Variants in MTMR8 observed in about 807,000 individuals in gnomAD.
The protein encoded by MTMR8 is phosphatidylinositol-3,5-bisphosphate 3-phosphatase MTMR8.
A neutral mutation model predicts 39.3 loss-of-function variants in MTMR8; 65 were observed. The ratio of observed to expected loss-of-function variants is 1.65; its 90% confidence interval spans 1.35 to 2.03. The LOEUF is 2.03. Ranked by LOEUF, MTMR8 falls within the 30% of genes most tolerant of loss-of-function variation. MTMR8 has a pLI of 0.00. For synonymous variants in MTMR8, 245 were observed against 185.2 expected (o/e 1.32, Z -2.62); for missense variants, 777 against 538.9 (o/e 1.44, Z -4.37).
At chrX:64,285,524 T>C (rs1569209937) in intron 12 of MTMR8, among the ~76,000 whole-genome samples, 1 of 111,708 alleles carries the variant, frequency 9.0e-6, no homozygotes, top group Admixed American at 9.5e-5. Context: ...ATATACATTC[T>C]TCTCAGCACC....
intron 2 of MTMR8, among the ~76,000 whole-genome samples, chrX:64,358,340 G>A (rs1923680904): frequency 9.0e-6 from 1 of 111,127 alleles, no homozygotes; most frequent in Admixed American, 9.6e-5. Flanking sequence ...ATCTCACATG[G>A]GGAAAGTTCA....
intron 12 of MTMR8, chrX:64,305,355 C>T (rs778043368): frequency 6.2e-5 from 13 of 209,280 alleles, no homozygotes; most frequent in Non-Finnish European, 8.9e-5. Context: ...CTTCTGAGTG[C>T]CAATATCCCC....
At chrX:64,282,327 C>T (rs1364928831) in intron 12 of MTMR8, among the ~76,000 whole-genome samples, 1 of 110,749 alleles carries the variant, frequency 9.0e-6, no homozygotes, top group African/African-American at 3.3e-5. Context: ...CATGTGGACA[C>T]AGGGAGGGGA....
Position 64,278,459 on chromosome X carries a change from G to GTTTTTTTTTTTTTTTTTTTTTTTTTTTT in MTMR8, c.1482-7387_1482-7386insAAAAAAAAAAAAAAAAAAAAAAAAAAAA, listed in dbSNP as rs1931928205. ...TGATGTTGATGCTATTTATTTTGCT[G>GTTTTTTTTTTTTTTTTTTTTTTTTTTTT]GTTTTTTTTTTTTTTTTTTTTTTTT... is the stretch of plus-strand genomic sequence containing the variant. On this transcript the variant is annotated intron_variant, in intron 12 of 13. Coordinates refer to ENST00000374852, the MANE Select transcript of MTMR8 (RefSeq NM_017677.4). 8.0e-5 allele frequency among the ~76,000 whole-genome samples: 4 copies of GTTTTTTTTTTTTTTTTTTTTTTTTTTTT among 49,855 alleles called. 2 individuals are homozygous for GTTTTTTTTTTTTTTTTTTTTTTTTTTTT. Among genetic ancestry groups the GTTTTTTTTTTTTTTTTTTTTTTTTTTTT allele is most frequent in the African/African-American group, 4.6e-4 (4 of 8,740 alleles). The allele number at this position is 49,855 out of a possible 115,157, so 43.3% of individuals were successfully genotyped here. A position where few individuals can be genotyped will look rare whatever the true frequency, so the allele number is the denominator to read the frequency against.
chrX:64,339,183 C>A (rs1169638850), intron 8 of MTMR8, among the ~76,000 whole-genome samples: 1 of 110,491 alleles, frequency 9.1e-6, no homozygotes, highest in Non-Finnish European at 1.9e-5. Context: ...AGGCAGAGAC[C>A]AAATGTGACA....
intron 1 of MTMR8, among the ~76,000 whole-genome samples, chrX:64,393,864 C>T (rs1207205648): frequency 8.9e-6 from 1 of 112,364 alleles, no homozygotes; most frequent in African/African-American, 3.2e-5. Context: ...CAAAACATTA[C>T]TAGTTACAAA....
chrX:64,289,690 T>C (rs959863146), intron 12 of MTMR8, among the ~76,000 whole-genome samples: 9 of 82,788 alleles, frequency 1.1e-4, no homozygotes, highest in African/African-American at 3.9e-4. Flanking sequence ...CTCAAAAATA[T>C]ACTTTTACAA....
chrX:64,300,654 G>A (rs1921828514), intron 12 of MTMR8, among the ~76,000 whole-genome samples: 1 of 102,029 alleles, frequency 9.8e-6, no homozygotes, highest in Admixed American at 1.1e-4. Context: ...GTTAGTTGAT[G>A]CAGTTTCTTC....
chrX:64,371,166 T>A (rs1450743007), intron 1 of MTMR8, among the ~76,000 whole-genome samples: 1 of 111,559 alleles, frequency 9.0e-6, no homozygotes, highest in Non-Finnish European at 1.9e-5. Flanking sequence ...AATTAACAAA[T>A]CAATCAGTAT....
intron 7 of MTMR8, among the ~76,000 whole-genome samples, chrX:64,343,926 G>A (rs769317457): frequency 9.0e-6 from 1 of 111,430 alleles, no homozygotes; most frequent in African/African-American, 3.3e-5. Flanking sequence ...TTATCATGCT[G>A]TAGAACCCAC....
At chrX:64,354,343 C>A (rs1450015077) in intron 4 of MTMR8, among the ~76,000 whole-genome samples, 1 of 110,753 alleles carries the variant, frequency 9.0e-6, no homozygotes, top group African/African-American at 3.3e-5. Flanking sequence ...ATGATAAATA[C>A]TTGTGGTGAT....
rs746821174 is a variant in MTMR8, at chrX:64,376,990, G to A, written c.25-17463C>T. Among the ~76,000 whole-genome samples, 145 of 111,902 alleles carry A rather than the reference G, an allele frequency of 1.3e-3. 1 individual carries two copies. Among genetic ancestry groups the A allele is most frequent in the African/African-American group, 4.6e-3 (142 of 30,834 alleles). On this transcript the variant is annotated intron_variant, in intron 1 of 13. Coordinates refer to ENST00000374852, the MANE Select transcript of MTMR8 (RefSeq NM_017677.4). ...TAAAAGAACCCCAGATACGTCTCAG[G>A]ATGCTGCTCCAGAGAGTGCAAGCTA...
In MTMR8 at chrX:64,271,060, T is replaced by A. The variant is rs757720521; in HGVS notation, c.1495A>T (p.Met499Leu). 6 of 1,198,496 alleles carry A rather than the reference T, an allele frequency of 5.0e-6. No homozygotes were observed. Among genetic ancestry groups the A allele is most frequent in the Non-Finnish European group, 4.5e-6 (4 of 890,298 alleles). Residue 499 changes from methionine to leucine, a missense_variant, in exon 13 of 14, where the codon ATG becomes TTG. Met to Leu is a conservative substitution (Grantham distance 15). Coordinates refer to ENST00000374852, the MANE Select transcript of MTMR8 (RefSeq NM_017677.4). ...AGCCCTTTGTCAAAGCGGTTATACA[T>A]CCCACACCAGAACCTCAAATAGACA... is the stretch of plus-strand genomic sequence containing the variant. Reference protein sequence around the residue: ...VPYNIQFWCGMYNRFDKGLQP... With the variant: ...VPYNIQFWCGLYNRFDKGLQP...
intron 12 of MTMR8, among the ~76,000 whole-genome samples, chrX:64,283,269 G>A (rs750508435): frequency 8.9e-6 from 1 of 111,971 alleles, no homozygotes; most frequent in Non-Finnish European, 1.9e-5. Flanking sequence ...CAGCAGTGAG[G>A]CTAGGGGAGG....
intron 1 of MTMR8, among the ~76,000 whole-genome samples, chrX:64,380,736 C>A (rs772873929): frequency 9.0e-6 from 1 of 111,129 alleles, no homozygotes; most frequent in East Asian, 2.8e-4. Context: ...TAATGCTATC[C>A]CTCCCCCCTC....
intron 1 of MTMR8, among the ~76,000 whole-genome samples, chrX:64,363,525 C>T (rs1443666816): frequency 8.9e-6 from 1 of 112,221 alleles, no homozygotes; most frequent in East Asian, 2.8e-4. Flanking sequence ...CTGAGGCCTA[C>T]CCAGAGGCAG....
intron 1 of MTMR8, among the ~76,000 whole-genome samples, chrX:64,390,958 C>T (rs1569235103): frequency 1.8e-5 from 2 of 112,366 alleles, no homozygotes; most frequent in African/African-American, 6.5e-5. Context: ...CAGGCCCAGA[C>T]AAATTCACTC....
intron 10 of MTMR8, among the ~76,000 whole-genome samples, chrX:64,332,003 C>G (rs1484311848): frequency 1.8e-5 from 2 of 111,811 alleles, no homozygotes. Flanking sequence ...TATACACCCT[C>G]TTTCCAATAG....
At position 64,270,942 on chromosome X, in the gene MTMR8, C is replaced by T; in HGVS notation, c.1608+5G>A. On this transcript the variant is annotated splice_donor_5th_base_variant and intron_variant, in intron 13 of 13. Transcript: ENST00000374852. ...AAGATCTCTCTTTGGGACTTTTCTC[C>T]TCACCTTTTCTAGTTCATGCACATC... is the stretch of plus-strand genomic sequence containing the variant. The T allele has an allele frequency of 5.0e-6, 6 of 1,207,395 alleles. No individual in the cohort carries two copies. The highest frequency in any genetic ancestry group is 6.7e-6 in the Non-Finnish European group (6 of 893,874).
Sources: gnomAD v4.1 joint callset for allele counts (sites outside exome capture counted in the v4.1 genomes callset) on GRCh38, gnomAD v4.1.1 for gene constraint, MANE v1.5 for transcripts, NCBI Gene and HGNC (gene_info 2026-07-23, HGNC 2026-07-21) for gene names.